The following ZNF280D variants were observed in gnomAD, a reference collection of about 807,000 sequenced individuals.
The protein encoded by ZNF280D is suppressor of hairy wing homolog 4.
Under a neutral mutation model 94.7 loss-of-function variants are expected in ZNF280D, and 39 were observed. The ratio of observed to expected loss-of-function variants is 0.41; its 90% CI spans 0.32 to 0.54. The LOEUF (loss-of-function observed/expected upper bound fraction) is 0.54, where lower values mean the gene tolerates loss of function less well. ZNF280D is among the 20% of genes least tolerant of loss of function. The pLI is 0.22. For synonymous variants in ZNF280D, 398 were observed against 377.6 expected (o/e 1.05, Z -0.63); for missense variants, 1,090 against 1,149.3 (o/e 0.95, Z 0.75).
chr15:56,730,635 A>C (rs1486416107), intron 1 of ZNF280D: 1 of 152,266 alleles, frequency 6.6e-6, no homozygotes, highest in African/African-American at 2.4e-5. Context: ...CTTTCAAAGA[A>C]GGCAAAGCTT....
chr15:56,689,231 T>G (rs1449199229), intron 8 of ZNF280D, 69 bp downstream of exon 8: 6 of 1,548,794 alleles, frequency 3.9e-6, no homozygotes. Flanking sequence ...CTTTTAAAAT[T>G]TATAGCCACT....
intron 3 of ZNF280D, 98 bp downstream of exon 3, chr15:56,706,983 TG>T: frequency 8.7e-7 from 1 of 1,146,280 alleles, no homozygotes; most frequent in Non-Finnish European, 1.3e-6. Flanking sequence ...TAAGCATTTT[TG>T]TTTTTTAAAA....
intron 1 of ZNF280D, among the ~76,000 whole-genome samples, chr15:56,724,396 G>A (rs757565923): frequency 4.6e-5 from 7 of 152,182 alleles, no homozygotes; most frequent in Non-Finnish European, 1.0e-4. Context: ...GTGCAGTGAG[G>A]TGCAGAACAG....
chr15:56,670,059 TTG>T (rs1289576502), intron 13 of ZNF280D, among the ~76,000 whole-genome samples: 1 of 5,680 alleles, frequency 1.8e-4, no homozygotes, highest in East Asian at 0.017. Context: ...TAGTTATATG[TTG>T]TTTTACATAT....
chr15:56,669,570 A>G (rs2054533203), intron 13 of ZNF280D, among the ~76,000 whole-genome samples: 1 of 151,360 alleles, frequency 6.6e-6, no homozygotes, highest in African/African-American at 2.4e-5. Flanking sequence ...CATTTTTAAT[A>G]CTGTTTAACT....
At chr15:56,660,261 C>A (rs538712337) in intron 16 of ZNF280D, among the ~76,000 whole-genome samples, 116 of 152,206 alleles carry the variant, frequency 7.6e-4, no homozygotes, top group Non-Finnish European at 1.4e-3. Context: ...TTTAAAAGCT[C>A]TTTATTCTTT....
Position 56,631,325 on chromosome 15 carries a change from T to C in ZNF280D, c.*173A>G. On this transcript the variant is annotated 3_prime_UTR_variant, in exon 22 of 22. Transcript: ENST00000267807. ...TGGGAATCCCTACTAATCATGCTAT[T>C]ATTGGTGAATTGATTTGTTTGATAA... 1 of 645,520 alleles carries C rather than the reference T, an allele frequency of 1.5e-6. No homozygotes were observed. The highest frequency in any genetic ancestry group is 2.7e-5 in the East Asian group (1 of 36,884). The allele number at this position is 645,520 out of a possible 1,614,324, so 40.0% of individuals were successfully genotyped here.
intron 4 of ZNF280D, among the ~76,000 whole-genome samples, chr15:56,702,213 T>G (rs1372618312): frequency 6.6e-6 from 1 of 152,156 alleles, no homozygotes; most frequent in African/African-American, 2.4e-5. Flanking sequence ...TAGAGAAAGA[T>G]CTACTCAAAG....
At chr15:56,694,097 G>T (rs1281679946) in intron 6 of ZNF280D, among the ~76,000 whole-genome samples, 2 of 151,956 alleles carry the variant, frequency 1.3e-5, no homozygotes, top group African/African-American at 4.8e-5. Flanking sequence ...CAGGAGAAAG[G>T]GTGGTCCAAA....
chr15:56,668,269 G>C, intron 14 of ZNF280D: 1 of 404,504 alleles, frequency 2.5e-6, no homozygotes, highest in Non-Finnish European at 4.8e-6. Context: ...AGAGAAAACA[G>C]ATGTACATAA....
intron 7 of ZNF280D, among the ~76,000 whole-genome samples, chr15:56,692,260 T>C (rs762110275): frequency 5.3e-5 from 8 of 151,860 alleles, no homozygotes; most frequent in South Asian, 2.1e-4. Context: ...TATTAAAAAA[T>C]TGGAAAAACA....
rs1373918126 is a variant in ZNF280D, at chr15:56,630,228, C to T, written c.*1270G>A. The stretch of plus-strand genomic sequence containing the variant: ...ATATTTACTCAAAAACTACTATATA[C>T]AGCAGAGTATTTTAATCGCCATTTA... On this transcript the variant is annotated 3_prime_UTR_variant, in exon 22 of 22. Transcript: ENST00000267807. The T allele has an allele frequency of 6.6e-6, 1 of 152,082 alleles. No homozygotes were observed. Among genetic ancestry groups the T allele is most frequent in the Non-Finnish European group, 1.5e-5 (1 of 67,982 alleles). 9.4% of individuals were successfully genotyped at this position (152,082 alleles called of 1,614,324 possible).
chr15:56,698,469 G>A (rs1486465794), intron 6 of ZNF280D: 4 of 152,122 alleles, frequency 2.6e-5, no homozygotes, highest in Non-Finnish European at 5.9e-5. Flanking sequence ...TTGCTGAAGT[G>A]ACAGATTTGA....
chr15:56,685,344 A>C (rs1181700631), intron 9 of ZNF280D, among the ~76,000 whole-genome samples: 1 of 150,846 alleles, frequency 6.6e-6, no homozygotes, highest in African/African-American at 2.5e-5. Context: ...AAGGTAAAAA[A>C]ACAAAACAAA....
At chr15:56,731,757 G>C (rs556421101) in intron 1 of ZNF280D, among the ~76,000 whole-genome samples, 1 of 152,152 alleles carries the variant, frequency 6.6e-6, no homozygotes, top group Admixed American at 6.5e-5. Context: ...TGTGAGATAA[G>C]TGGAAAAATG....
rs573310646 is a variant in ZNF280D at position 56,631,816 on chromosome 15, G to C, written c.2622C>G (p.Ala874=). 1 of 1,613,928 alleles carries C rather than the reference G, an allele frequency of 6.2e-7. No individual in the cohort carries two copies. The highest frequency in any genetic ancestry group is 1.1e-5 in the South Asian group (1 of 91,072). ...DQIKDHNSSE[A]RFSSKNIKDL... ...CCTTAATATTCTTTGAAGAAAATCTGGCTTCACTGGAGTTGTGATCTTTAA... is the reference window on the plus strand; with the variant it reads ...CCTTAATATTCTTTGAAGAAAATCTCGCTTCACTGGAGTTGTGATCTTTAA... The change falls in exon 22 of 22, where the codon GCC becomes GCG. Residue 874 remains alanine, a synonymous_variant. Transcript: ENST00000267807.
Position 56,644,783 on chromosome 15 carries a change from T to C in ZNF280D, c.2214-1786A>G, listed in dbSNP as rs370608758. On this transcript the variant is annotated intron_variant, in intron 19 of 21. Transcript: ENST00000267807. The stretch of plus-strand genomic sequence containing the variant: ...AAACACAGTCCTCTTGCTATCTCTG[T>C]GATGGAGGTTGGTGACAGAGGTTTT... Among the ~76,000 whole-genome samples, 48 of 152,248 alleles carry C rather than the reference T, an allele frequency of 3.2e-4. No homozygotes were observed. In the South Asian group the frequency reaches 8.1e-3, roughly 26 times the overall value.
intron 13 of ZNF280D, among the ~76,000 whole-genome samples, chr15:56,670,795 C>T (rs978223999): frequency 6.6e-6 from 1 of 151,988 alleles, no homozygotes. Context: ...TTTACACTCC[C>T]ACCAACAGTA....
At chr15:56,667,175 A>G (rs1566955443) in intron 14 of ZNF280D, among the ~76,000 whole-genome samples, 189 bp from the exon 15 acceptor site, 1 of 152,204 alleles carries the variant, frequency 6.6e-6, no homozygotes, top group African/African-American at 2.4e-5. Flanking sequence ...ATTAAGTTGT[A>G]ATATTACATT....
Sources: gnomAD v4.1 joint callset for allele counts (sites outside exome capture counted in the v4.1 genomes callset) on GRCh38, gnomAD v4.1.1 for gene constraint, MANE v1.5 for transcripts, NCBI Gene and HGNC (gene_info 2026-07-23, HGNC 2026-07-21) for gene names.